CACNB1: variants seen among roughly 807,000 people sequenced by gnomAD.
The protein encoded by CACNB1 is calcium voltage-gated channel auxiliary subunit beta 1, also known as voltage-dependent L-type calcium channel subunit beta-1.
In CACNB1, 29 loss-of-function variants were observed where a neutral mutation model predicts 71.6. The ratio of observed to expected loss-of-function variants is 0.40; its 90% CI spans 0.30 to 0.55. The LOEUF is 0.55. CACNB1 is among the 20% of genes least tolerant of loss of function. The pLI is 0.38. For synonymous variants in CACNB1, 300 were observed against 319.6 expected, an observed-to-expected ratio of 0.94 and a Z score of 0.65; for missense variants, 623 against 801.8, an observed-to-expected ratio of 0.78 and a Z score of 2.69.
rs1439994717 is a variant in CACNB1, at chr17:39,187,594, G to T, written c.299C>A (p.Pro100Gln). 6.2e-7 allele frequency: 1 copy of T among 1,614,192 alleles called. No individual in the cohort carries two copies. ...LAQLEKAKTK[P>Q]VAFAVRTNVG... Reference sequence around the variant, plus strand: ...ATTTGTCCGCACAGCAAATGCCACTGGCTTGGTCTAGAGGAGGCACACAGG... The same window carrying T: ...ATTTGTCCGCACAGCAAATGCCACTTGCTTGGTCTAGAGGAGGCACACAGG... The change falls in exon 4 of 14, where the codon CCA becomes CAA. Residue 100 changes from proline to glutamine, a missense_variant. Physicochemically the swap from Pro to Gln is moderately conservative, Grantham distance 76. Transcript: ENST00000394303.
chr17:39,183,922 G>A, intron 10 of CACNB1, 58 bp from the exon 11 acceptor site: 2 of 1,582,406 alleles, frequency 1.3e-6, no homozygotes, highest in Non-Finnish European at 1.7e-6. Flanking sequence ...AGGAACAGCA[G>A]GTGGAGGGAA....
chr17:39,186,205 G>A lies in CACNB1; in HGVS notation c.628+291C>T. 6 of 994,422 alleles carry A rather than the reference G, an allele frequency of 6.0e-6. No individual in the cohort carries two copies. Among genetic ancestry groups the A allele is most frequent in the Middle Eastern group, 2.3e-4 (1 of 4,314 alleles). The allele number at this position is 994,422 out of a possible 1,614,324, so 61.6% of individuals were successfully genotyped here. A position where few individuals can be genotyped will look rare whatever the true frequency, so the allele number is the denominator to read the frequency against. On this transcript the variant is annotated intron_variant, in intron 6 of 13. Coordinates refer to ENST00000394303, the MANE Select transcript of CACNB1 (RefSeq NM_000723.5). The surrounding 1 kb of genome is among the most constrained non-coding windows in gnomAD (Gnocchi z 4.1). ...AGTACAGAACGCAGGGATGGGGATG[G>A]GGAAAAAAGAAAGAAGAAGAGGTGA...
At chr17:39,178,131 C>T (rs1314889051) in intron 11 of CACNB1, 52 bp from the exon 12 acceptor site, 4 of 1,365,178 alleles carry the variant, frequency 2.9e-6, no homozygotes, top group Non-Finnish European at 3.1e-6. Context: ...TCAGGCAATG[C>T]ACCCAGTCAG....
intron 11 of CACNB1, among the ~76,000 whole-genome samples, chr17:39,183,168 T>C (rs1364753420): frequency 6.6e-6 from 1 of 151,946 alleles, no homozygotes; most frequent in Non-Finnish European, 1.5e-5. Context: ...ATCCCATCTC[T>C]AAAAAATAAA....
chr17:39,185,664 C>G (rs944182228), intron 6 of CACNB1, among the ~76,000 whole-genome samples: 27 of 151,886 alleles, frequency 1.8e-4, no homozygotes, highest in African/African-American at 6.0e-4. Context: ...CAGAGCAGGC[C>G]CCTGGGAGTG....
intron 11 of CACNB1, among the ~76,000 whole-genome samples, chr17:39,182,319 T>C (rs2045789495): frequency 6.9e-6 from 1 of 144,682 alleles, no homozygotes; most frequent in Admixed American, 6.9e-5. Context: ...AGGGCAAGGC[T>C]GTCTCAAAAA....
chr17:39,180,268 A>C (rs1226029723), intron 11 of CACNB1, among the ~76,000 whole-genome samples: 1 of 151,990 alleles, frequency 6.6e-6, no homozygotes, highest in East Asian at 1.9e-4. Context: ...AGCTCAAAAA[A>C]AAAAAAAACC....
At chr17:39,181,540 A>G (rs1363717020) in intron 11 of CACNB1, among the ~76,000 whole-genome samples, 3 of 152,222 alleles carry the variant, frequency 2.0e-5, no homozygotes, top group Admixed American at 1.3e-4. Context: ...GCCCTGGAGT[A>G]GAAGGTCCAG....
chr17:39,195,717 C>A (rs561328604), intron 1 of CACNB1, among the ~76,000 whole-genome samples: 1 of 152,190 alleles, frequency 6.6e-6, no homozygotes. Flanking sequence ...AGCTACAATC[C>A]TCCCCAAGGG....
intron 2 of CACNB1, chr17:39,191,953 C>A: frequency 6.8e-6 from 2 of 292,894 alleles, no homozygotes; most frequent in Non-Finnish European, 1.3e-5. Flanking sequence ...CTGCCCCCAG[C>A]ACCCGCTGAG....
chr17:39,184,341 G>A lies in CACNB1; in HGVS notation c.772C>T (p.His258Tyr), dbSNP rs1355797240. ...GGATCTTACCTGCCATCAAACCGATGCTTCAAGAAGTCAAATAAAGCTTTC... is the reference window on the plus strand; with the variant it reads ...GGATCTTACCTGCCATCAAACCGATACTTCAAGAAGTCAAATAAAGCTTTC... ...MQKALFDFLK[H>Y]RFDGRISITR... Residue 258 changes from histidine to tyrosine, a missense_variant, in exon 9 of 14, where the codon CAT becomes TAT. By Grantham distance (83) the His-to-Tyr change is moderately conservative. Transcript: ENST00000394303. The A allele has an allele frequency of 1.3e-6, 2 of 1,547,338 alleles. No homozygotes were observed. Among genetic ancestry groups the A allele is most frequent in the Admixed American group, 3.9e-5 (2 of 51,138 alleles).
intron 2 of CACNB1, chr17:39,193,828 A>C (rs1207113788): frequency 5.6e-6 from 1 of 177,936 alleles, no homozygotes; most frequent in Non-Finnish European, 1.2e-5. Flanking sequence ...GGGTGATTGA[A>C]GAAAGGACTT....
At chr17:39,185,556 G>GCCA (rs546943299) in intron 6 of CACNB1, among the ~76,000 whole-genome samples, 2 of 149,838 alleles carry the variant, frequency 1.3e-5, no homozygotes, top group African/African-American at 5.0e-5. Context: ...GCAGCCAGCA[G>GCCA]CCCCCCCCCA....
chr17:39,192,950 C>G (rs1185681622), intron 2 of CACNB1: 1 of 152,800 alleles, frequency 6.5e-6, no homozygotes, highest in Non-Finnish European at 1.5e-5. Flanking sequence ...GTAGCTCCCC[C>G]TCTCCCCCCT....
chr17:39,188,197 C>A (rs1301020817), intron 3 of CACNB1, among the ~76,000 whole-genome samples: 2 of 151,906 alleles, frequency 1.3e-5, no homozygotes, highest in Non-Finnish European at 2.9e-5. Context: ...GCATGAGAAT[C>A]ATTTGAATTC....
intron 13 of CACNB1, 119 bp downstream of exon 13, chr17:39,177,231 G>C: frequency 6.4e-7 from 1 of 1,565,806 alleles, no homozygotes; most frequent in East Asian, 2.3e-5. Context: ...GAGGGAAGAC[G>C]GGCAGGGCGC....
chr17:39,175,253 T>C lies in CACNB1; in HGVS notation c.1737A>G (p.Pro579=). 6.2e-7 allele frequency: 1 copy of C among 1,614,046 alleles called. No homozygotes were observed. Among genetic ancestry groups the C allele is most frequent in the Non-Finnish European group, 8.5e-7 (1 of 1,179,974 alleles). ...KARYCAEGGG[P]VLGRNKNELE... is the part of the protein sequence containing the mutation. ...GCTCATTCTTGTTGCGCCCCAAAAC[T>C]GGACCCCCACCCTCAGCGCAGTAGC... The change falls in exon 14 of 14, where the codon CCA becomes CCG. Residue 579 remains proline (P), a synonymous_variant. Transcript: ENST00000394303. The surrounding 1 kb of genome is among the most constrained non-coding windows in gnomAD (Gnocchi z 4.7).
intron 1 of CACNB1, chr17:39,195,250 G>C (rs561152831): frequency 1.0e-4 from 35 of 347,822 alleles, no homozygotes; most frequent in South Asian, 2.1e-4. Context: ...GGCTGGGAAG[G>C]GGGGAGGCGC....
In CACNB1 at chr17:39,175,490, A is replaced by G. The variant is rs1242631992; in HGVS notation, c.1500T>C (p.Phe500=). The G allele has an allele frequency of 6.2e-7, 1 of 1,614,072 alleles. No individual in the cohort carries two copies. Among genetic ancestry groups the G allele is most frequent in the Non-Finnish European group, 8.5e-7 (1 of 1,180,020 alleles). Residue 500 remains phenylalanine, a synonymous_variant, in exon 14 of 14, where the codon TTT becomes TTC. Coordinates refer to ENST00000394303, the MANE Select transcript of CACNB1 (RefSeq NM_000723.5). This position sits in a 1 kb window ranked among gnomAD's most constrained non-coding sequence, Gnocchi z 4.7. ...TLRALSRQDT[F]DADTPGSRNS... ...TTCGGCTGCCGGGGGTGTCGGCATC[A>G]AAAGTGTCTTGGCGGGACAGTGCCC...
Sources: gnomAD v4.1 joint callset for allele counts (sites outside exome capture counted in the v4.1 genomes callset) on GRCh38, gnomAD v4.1.1 for gene constraint, Gnocchi (gnomAD v3.1) non-coding constraint, MANE v1.5 for transcripts, NCBI Gene and HGNC (gene_info 2026-07-23, HGNC 2026-07-21) for gene names.